Variants in THBS2 observed in about 807,000 individuals in gnomAD.
THBS2 encodes the protein thrombospondin-2.
A neutral mutation model predicts 135.2 loss-of-function variants in THBS2; 47 were observed. The ratio of observed to expected loss-of-function variants is 0.35; its 90% CI spans 0.28 to 0.44. The LOEUF (loss-of-function observed/expected upper bound fraction) is 0.44. THBS2 is among the 20% of genes least tolerant of loss of function. The pLI is 1.00. For synonymous variants in THBS2, 639 were observed against 633.8 expected (o/e 1.01, Z -0.12); for missense variants, 1,288 against 1,603.1 (o/e 0.80, Z 3.36).
At chr6:169,250,929 A>G (rs1780729894) in intron 1 of THBS2, 123 bp from the exon 2 acceptor site, 2 of 540,090 alleles carry the variant, frequency 3.7e-6, no homozygotes, top group South Asian at 3.9e-5. Flanking sequence ...CTCAGCACCA[A>G]CTGGATTTGT....
rs759909076 is a variant in THBS2 at position 169,222,453 on chromosome 6, C to A, written c.3017G>T (p.Gly1006Val). The A allele has an allele frequency of 6.2e-7, 1 of 1,613,074 alleles. No individual in the cohort carries two copies. Among genetic ancestry groups the A allele is most frequent in the East Asian group, 2.2e-5 (1 of 44,868 alleles). Residue 1006 changes from glycine to valine, a missense_variant, in exon 19 of 22, where the codon GGG becomes GTG. By Grantham distance (109) the Gly-to-Val change is moderately radical. Around this residue, in one of 2 missense-constraint regions of THBS2, gnomAD observed 874 missense variants for 1,156.1 expected, o/e 0.76. Transcript: ENST00000617924. ...GAATGTGCCACTGAAGTCCACAGACCCAAACTCGTCAAAACCTGGATGCAA... is the reference window on the plus strand; with the variant it reads ...GAATGTGCCACTGAAGTCCACAGACACAAACTCGTCAAAACCTGGATGCAA... ...PGIAVGFDEF[G>V]SVDFSGTFYV...
intron 4 of THBS2, among the ~76,000 whole-genome samples, chr6:169,242,992 C>T (rs1199454885): frequency 2.1e-5 from 1 of 48,100 alleles, no homozygotes; most frequent in Non-Finnish European, 3.9e-5. Context: ...TTCCCACATT[C>T]GCACCTTCCC....
chr6:169,226,934 A>C (rs1436391153), intron 15 of THBS2, among the ~76,000 whole-genome samples: 1 of 152,174 alleles, frequency 6.6e-6, no homozygotes, highest in Admixed American at 6.5e-5. Flanking sequence ...GGAGAAGGGA[A>C]GTAAGGAACA....
chr6:169,234,926 A>T lies in THBS2; in HGVS notation c.1478-19T>A, dbSNP rs112298769. Reference sequence around the variant, plus strand: ...CCATCGACTGCGGGGAAAGCCAACCAGGGGGAGCTCAGAGCAAGACCCGGG... The same window carrying T: ...CCATCGACTGCGGGGAAAGCCAACCTGGGGGAGCTCAGAGCAAGACCCGGG... On this transcript the variant is annotated intron_variant, in intron 9 of 21. Coordinates refer to ENST00000617924, the MANE Select transcript of THBS2 (RefSeq NM_003247.5). 4.5e-6 allele frequency: 3 copies of T among 659,356 alleles called. No individual in the cohort carries two copies. Among genetic ancestry groups the T allele is most frequent in the Non-Finnish European group, 6.2e-6 (3 of 480,774 alleles). 40.8% of individuals were successfully genotyped at this position (659,356 alleles called of 1,614,324 possible).
chr6:169,249,016 A>T (rs1191170934), intron 2 of THBS2, 43 bp from the exon 3 acceptor site: 1 of 1,551,094 alleles, frequency 6.4e-7, no homozygotes. Context: ...GTAGGGGAAG[A>T]GGGCGAGGTT....
chr6:169,221,595 C>G, intron 19 of THBS2, 68 bp from the exon 20 acceptor site: 2 of 1,423,920 alleles, frequency 1.4e-6, no homozygotes, highest in Non-Finnish European at 2.0e-6. Flanking sequence ...TCTGTAACAC[C>G]AAGCAGGAAG....
intron 21 of THBS2, among the ~76,000 whole-genome samples, 157 bp from the exon 22 acceptor site, chr6:169,217,986 GAT>G (rs1413618691): frequency 1.5e-4 from 15 of 101,442 alleles, no homozygotes; most frequent in Non-Finnish European, 3.6e-4. Flanking sequence ...TGGATGGGTG[GAT>G]GGATGAGATG....
chr6:169,220,763 C>A (rs1013047212), intron 20 of THBS2, among the ~76,000 whole-genome samples: 1 of 152,130 alleles, frequency 6.6e-6, no homozygotes, highest in African/African-American at 2.4e-5. Context: ...TACACCAAGC[C>A]CCCGACAGGA....
rs781689540 is a variant in THBS2, at chr6:169,233,024, G to T, written c.1652-7C>A. 1 of 1,532,892 alleles carries T rather than the reference G, an allele frequency of 6.5e-7. No homozygotes were observed. The highest frequency in any genetic ancestry group is 2.0e-5 in the Admixed American group (1 of 50,584). The allele number at this position is 1,532,892 out of a possible 1,614,324, so 95.0% of individuals were successfully genotyped here. ...GGGTTGGATAAACAGCCATCTGGGTGGGAGAAGGCGGAGCAGAGTTCACCA... is the reference window on the plus strand; with the variant it reads ...GGGTTGGATAAACAGCCATCTGGGTTGGAGAAGGCGGAGCAGAGTTCACCA... On this transcript the variant is annotated splice_region_variant and splice_polypyrimidine_tract_variant and intron_variant, in intron 10 of 21. Coordinates refer to ENST00000617924, the MANE Select transcript of THBS2 (RefSeq NM_003247.5).
chr6:169,240,522 C>T lies in THBS2; in HGVS notation c.962G>A (p.Trp321Ter). Residue 321 changes from tryptophan (W) to a stop codon, truncating the protein, a stop_gained, in exon 6 of 22, where the codon TGG (tryptophan) becomes TAG (stop). Transcript: ENST00000617924. LOFTEE classifies it high-confidence loss of function. ...PPKTRNMSACWQDGRFFAENE... is the reference protein window; with the variant it reads ...PPKTRNMSAC ...TTCCGCAAAGAACCGGCCATCCTGC[C>T]AGCAAGCTGACATGTTCCTTGTCTT... The T allele has an allele frequency of 1.9e-6, 3 of 1,614,046 alleles. No individual in the cohort carries two copies. The highest frequency in any genetic ancestry group is 2.5e-6 in the Non-Finnish European group (3 of 1,180,032).
At chr6:169,237,412 T>C in intron 8 of THBS2, 66 bp from the exon 9 acceptor site, 1 of 1,593,002 alleles carries the variant, frequency 6.3e-7, no homozygotes, top group South Asian at 1.1e-5. Flanking sequence ...GTAAGCGGTG[T>C]GCCTTATTAA....
In THBS2 at chr6:169,232,187, G is replaced by A. The variant is rs1779862577; in HGVS notation, c.1944C>T (p.Pro648=). The A allele has an allele frequency of 1.9e-6, 3 of 1,613,434 alleles. No individual in the cohort carries two copies. Among genetic ancestry groups the A allele is most frequent in the South Asian group, 1.1e-5 (1 of 91,080 alleles). ...AAKTEKQVCE[P]ENPCKDKTHN... ...GTGTCTTGTCCTTGCATGGGTTTTC[G>A]GGCTCACACACCTACGGGGAGAAGG... Residue 648 remains proline (P), a synonymous_variant, in exon 13 of 22, where the codon CCC becomes CCT. Coordinates refer to ENST00000617924, the MANE Select transcript of THBS2 (RefSeq NM_003247.5).
Position 169,234,783 on chromosome 6 carries a change from C to A in THBS2, c.1602G>T (p.Val534=), listed in dbSNP as rs756711469. The change falls in exon 10 of 22, where the codon GTG becomes GTT. Residue 534 remains valine, a synonymous_variant. Coordinates refer to ENST00000617924, the MANE Select transcript of THBS2 (RefSeq NM_003247.5). ...ACATCTGACGCTCCTGCACATCCCC[C>A]ACGCAGGCCTTCCCTCCGTACTGAG... ...PEPQYGGKAC[V]GDVQERQMCN... 8 of 1,608,536 alleles carry A rather than the reference C, an allele frequency of 5.0e-6. No homozygotes were observed. The South Asian group carries it at 7.7e-5, about 16-fold the overall frequency.
At position 169,237,622 on chromosome 6, in the gene THBS2, C is replaced by T; in HGVS notation, c.1300+3G>A. 6.2e-7 allele frequency: 1 copy of T among 1,612,218 alleles called. No homozygotes were observed. The highest frequency in any genetic ancestry group is 8.5e-7 in the Non-Finnish European group (1 of 1,179,910). On this transcript the variant is annotated splice_donor_region_variant and intron_variant, in intron 8 of 21. Coordinates refer to ENST00000617924, the MANE Select transcript of THBS2 (RefSeq NM_003247.5). ...ACGCGGGTGTCACCTGCCCGACACT[C>T]ACTGCGGGTGTCACACTTGCTCAGA...
chr6:169,240,752 T>G (rs1412403475), intron 5 of THBS2, among the ~76,000 whole-genome samples, 160 bp from the exon 6 acceptor site: 1 of 152,186 alleles, frequency 6.6e-6, no homozygotes, highest in African/African-American at 2.4e-5. Context: ...TTGTCCTCCA[T>G]CCTCACGGGG....
rs984787578 is a variant in THBS2, at chr6:169,240,271, A to T, written c.1032+181T>A. Among the ~76,000 whole-genome samples the T allele has an allele frequency of 2.0e-5, 3 of 152,184 alleles. No individual in the cohort carries two copies. In the East Asian group the frequency reaches 5.8e-4, roughly 29 times the overall value. ...TCTGGTTCTTTATGTGCAAACAAAGAGGTTGATTCAAGTCCTAAATACGGT... is the reference window on the plus strand; with the variant it reads ...TCTGGTTCTTTATGTGCAAACAAAGTGGTTGATTCAAGTCCTAAATACGGT... On this transcript the variant is annotated intron_variant, in intron 6 of 21. Transcript: ENST00000617924.
intron 9 of THBS2, among the ~76,000 whole-genome samples, chr6:169,236,587 CCCATCCACACTCATTCCCATCCACACTCG>C (rs1780091767): frequency 1.5e-5 from 2 of 137,042 alleles, no homozygotes; most frequent in Non-Finnish European, 3.3e-5. Context: ...ACACTCACTC[CCCATCCACACTCATTCCCATCCACACTCG>C]CCATCCACAC....
intron 18 of THBS2, 129 bp downstream of exon 18, chr6:169,223,119 G>T: frequency 1.2e-6 from 1 of 822,988 alleles, no homozygotes. Flanking sequence ...CACAGACCAT[G>T]GAAGGATGGG....
intron 10 of THBS2, among the ~76,000 whole-genome samples, chr6:169,234,209 A>G (rs1449491570): frequency 6.6e-6 from 1 of 150,790 alleles, no homozygotes; most frequent in Admixed American, 6.6e-5. Flanking sequence ...ACAACCACCC[A>G]GATGCCACAG....
Sources: allele counts gnomAD v4.1 joint callset (sites outside exome capture counted in the v4.1 genomes callset), GRCh38; gene constraint gnomAD v4.1.1; regional missense constraint gnomAD v4.1.1; transcripts MANE v1.5; gene names NCBI Gene and HGNC (gene_info 2026-07-23, HGNC 2026-07-21).